KDM5B: variants seen among roughly 807,000 people sequenced by gnomAD.
The protein encoded by KDM5B is lysine demethylase 5B.
In KDM5B, 144 loss-of-function variants were observed where a neutral mutation model predicts 193.4. That is an observed-to-expected ratio of 0.74 (90% CI 0.65 to 0.86). KDM5B has a LOEUF of 0.86. KDM5B is among the 40% of genes least tolerant of loss of function. The pLI, the probability that KDM5B is intolerant of heterozygous loss-of-function variation, is 0.00. For synonymous variants in KDM5B, 668 were observed against 682.6 expected, an observed-to-expected ratio of 0.98 and a Z score of 0.33; for missense variants, 1,833 against 1,886.9, an observed-to-expected ratio of 0.97 and a Z score of 0.53.
At chr1:202,742,827 A>G (rs747857434) in intron 16 of KDM5B, 22 bp from the exon 17 acceptor site, 4 of 1,603,934 alleles carry the variant, frequency 2.5e-6, no homozygotes, top group East Asian at 2.2e-5. Context: ...GAAAAAAGTC[A>G]TATTTTCTGT....
At chr1:202,739,684 G>A (rs1655231628) in intron 20 of KDM5B, among the ~76,000 whole-genome samples, 1 of 152,092 alleles carries the variant, frequency 6.6e-6, no homozygotes, top group South Asian at 2.1e-4. Flanking sequence ...TTCTTAATGA[G>A]CATGCTGCCT....
intron 1 of KDM5B, among the ~76,000 whole-genome samples, chr1:202,781,193 G>A (rs929818882): frequency 1.3e-5 from 2 of 152,156 alleles, no homozygotes; most frequent in Admixed American, 6.5e-5. Flanking sequence ...TACCTACTCA[G>A]GAGGCTAAGG....
Position 202,750,644 on chromosome 1 carries a change from A to G in KDM5B, c.1821+15T>C, listed in dbSNP as rs1558491365. On this transcript the variant is annotated intron_variant, in intron 13 of 26. Transcript: ENST00000367265. ...CAATAAATTTGAAAAGGTTAACTAC[A>G]TTGTAATTACATACCCAATCAACAG... 6.2e-7 allele frequency: 1 copy of G among 1,611,850 alleles called. No individual in the cohort carries two copies. The highest frequency in any genetic ancestry group is 8.5e-7 in the Non-Finnish European group (1 of 1,178,912).
At chr1:202,731,601 ACCCTTTCAT>A (rs922376520) in intron 24 of KDM5B, among the ~76,000 whole-genome samples, 1 of 152,106 alleles carries the variant, frequency 6.6e-6, no homozygotes, top group African/African-American at 2.4e-5. Flanking sequence ...TGTGGCATGA[ACCCTTTCAT>A]CCCTGAGGAC....
chr1:202,808,393 G>C lies in KDM5B; in HGVS notation c.-88C>G. ...TCGGTCCGAGACCCGTGCAGACGCG[G>C]CTCGAGCAACAGCAAGTCCGAGTTG... On this transcript the variant is annotated 5_prime_UTR_variant, in exon 1 of 27. Coordinates refer to ENST00000367265, the MANE Select transcript of KDM5B (RefSeq NM_006618.5). The C allele has an allele frequency of 1.6e-6, 2 of 1,265,242 alleles. No homozygotes were observed. Among genetic ancestry groups the C allele is most frequent in the African/African-American group, 1.5e-5 (1 of 66,638 alleles). 78.4% of individuals were successfully genotyped at this position (1,265,242 alleles called of 1,614,324 possible).
intron 1 of KDM5B, among the ~76,000 whole-genome samples, chr1:202,805,724 AAAAC>A (rs1487430362): frequency 1.3e-5 from 2 of 152,216 alleles, no homozygotes; most frequent in African/African-American, 4.8e-5. Flanking sequence ...TCCCAAAAAC[AAAAC>A]AGTTTCTAAA....
chr1:202,798,229 G>C (rs981785093), intron 1 of KDM5B, among the ~76,000 whole-genome samples: 1 of 151,478 alleles, frequency 6.6e-6, no homozygotes, highest in African/African-American at 2.4e-5. Flanking sequence ...GGACAGAAAA[G>C]CTTTGTCTAA....
intron 1 of KDM5B, among the ~76,000 whole-genome samples, chr1:202,804,767 T>C (rs976889254): frequency 1.3e-5 from 2 of 149,700 alleles, no homozygotes; most frequent in Non-Finnish European, 3.0e-5. Context: ...CCCAGCACTT[T>C]GGGAGGCCGA....
intron 1 of KDM5B, among the ~76,000 whole-genome samples, chr1:202,790,419 A>G (rs1381418713): frequency 2.0e-5 from 3 of 151,884 alleles, no homozygotes; most frequent in East Asian, 3.9e-4. Flanking sequence ...TCTACAAAAC[A>G]TATTTAACAC....
chr1:202,760,559 G>T lies in KDM5B; in HGVS notation c.933C>A (p.Val311=), dbSNP rs759859642. ...KKATNAVDLY[V]CLLCGSGNDE... ...CATTGCCACTGCCACATAAAAGACA[G>T]ACATACAGGTCCACCTGTAGCAATA... Residue 311 remains valine, a synonymous_variant, in exon 8 of 27, where the codon GTC becomes GTA. Transcript: ENST00000367265. 2 of 1,611,096 alleles carry T rather than the reference G, an allele frequency of 1.2e-6. No individual in the cohort carries two copies. The highest frequency in any genetic ancestry group is 1.7e-5 in the Admixed American group (1 of 59,598).
At chr1:202,785,909 T>TA (rs535467100) in intron 1 of KDM5B, among the ~76,000 whole-genome samples, 15,012 of 134,026 alleles carry the variant, frequency 0.11, 1,024 homozygotes, top group African/African-American at 0.21. Context: ...GACTCCCAAT[T>TA]AAAAAAAAAA....
rs796645573 is a variant in KDM5B, at chr1:202,763,743, A to T, written c.808+306T>A. Among the ~76,000 whole-genome samples the T allele has an allele frequency of 4.6e-5, 7 of 152,352 alleles. 1 individual carries two copies. The highest frequency in any genetic ancestry group is 1.2e-4 in the African/African-American group (5 of 41,588). The stretch of plus-strand genomic sequence containing the variant: ...ACCTATGTTTTTCACAAATTACTTA[A>T]GTAACTGCATTGAATCAAATTTCAA... On this transcript the variant is annotated intron_variant, in intron 6 of 26. Transcript: ENST00000367265.
Position 202,808,370 on chromosome 1 carries a change from G to C in KDM5B, c.-65C>G. On this transcript the variant is annotated 5_prime_UTR_variant, in exon 1 of 27. Coordinates refer to ENST00000367265, the MANE Select transcript of KDM5B (RefSeq NM_006618.5). The stretch of plus-strand genomic sequence containing the variant: ...GGGACCGAGGCTGCGAGCTCCGCTC[G>C]GTCCGAGACCCGTGCAGACGCGGCT... 2 of 1,427,804 alleles carry C rather than the reference G, an allele frequency of 1.4e-6. No homozygotes were observed. The highest frequency in any genetic ancestry group is 1.4e-5 in the African/African-American group (1 of 70,570). 88.4% of individuals were successfully genotyped at this position (1,427,804 alleles called of 1,614,324 possible).
At chr1:202,759,568 A>T (rs78831155) in intron 8 of KDM5B, among the ~76,000 whole-genome samples, 2 of 148,956 alleles carry the variant, frequency 1.3e-5, no homozygotes, top group Non-Finnish European at 3.0e-5. Flanking sequence ...AAAAAAAAAA[A>T]ATCCTCATGA....
Position 202,733,641 on chromosome 1 carries a change from C to A in KDM5B, c.3669G>T (p.Arg1223Ser). ...TTTTCTCTAATGGAGGTTTCTCTGA[C>A]CTCCGACAATGGGGACAAAGCCAGA... is the stretch of plus-strand genomic sequence containing the variant. ...LRIWLCPHCR[R>S]SEKPPLEKIL... is the part of the protein sequence containing the mutation. Residue 1223 changes from arginine (R) to serine (S), a missense_variant, in exon 23 of 27, where the codon AGG (arginine) becomes AGT (serine). By Grantham distance (110) the Arg-to-Ser change is moderately radical. This residue lies in a region of KDM5B where 1,379 missense variants were observed against 1,349.6 expected (regional missense o/e 1.02). Coordinates refer to ENST00000367265, the MANE Select transcript of KDM5B (RefSeq NM_006618.5). 1 of 1,614,144 alleles carries A rather than the reference C, an allele frequency of 6.2e-7. No individual in the cohort carries two copies. Among genetic ancestry groups the A allele is most frequent in the Non-Finnish European group, 8.5e-7 (1 of 1,180,016 alleles).
chr1:202,789,877 AT>A (rs1014351977), intron 1 of KDM5B, among the ~76,000 whole-genome samples: 1 of 152,076 alleles, frequency 6.6e-6, no homozygotes, highest in African/African-American at 2.4e-5. Context: ...GCAGTGAGCT[AT>A]GGTGGCGCTG....
At chr1:202,793,839 G>A (rs1451942190) in intron 1 of KDM5B, among the ~76,000 whole-genome samples, 2 of 152,088 alleles carry the variant, frequency 1.3e-5, no homozygotes, top group African/African-American at 2.4e-5. Flanking sequence ...AAAGCCACAA[G>A]GTTACCAGAG....
chr1:202,786,416 T>A (rs202029805), intron 1 of KDM5B, among the ~76,000 whole-genome samples: 1 of 135,200 alleles, frequency 7.4e-6, no homozygotes, highest in East Asian at 3.4e-4. Flanking sequence ...GACAACACAC[T>A]GAGAGTAGAT....
In KDM5B at chr1:202,727,242, G is replaced by GGGGGTGAT. The variant is rs1282888097; in HGVS notation, c.*1786_*1793dup. On this transcript the variant is annotated 3_prime_UTR_variant, in exon 27 of 27. Transcript: ENST00000367265. Reference sequence around the variant, plus strand: ...ACAGTTGGCATCCTATCTCAAAGTCGGGGGTGATGGAGGGGATTCTAAGAA... The same window carrying GGGGGTGAT: ...ACAGTTGGCATCCTATCTCAAAGTCGGGGGTGATGGGGTGATGGAGGGGATTCTAAGAA... 27 of 152,166 alleles carry GGGGGTGAT rather than the reference G, an allele frequency of 1.8e-4. No individual in the cohort carries two copies. Among genetic ancestry groups the GGGGGTGAT allele is most frequent in the African/African-American group, 5.8e-4 (24 of 41,436 alleles). 9.4% of individuals were successfully genotyped at this position (152,166 alleles called of 1,614,324 possible). A position where few individuals can be genotyped will look rare whatever the true frequency, so the allele number is the denominator to read the frequency against.
Sources: allele counts gnomAD v4.1 joint callset (sites outside exome capture counted in the v4.1 genomes callset), GRCh38; gene constraint gnomAD v4.1.1; regional missense constraint gnomAD v4.1.1; transcripts MANE v1.5; gene names NCBI Gene and HGNC (gene_info 2026-07-23, HGNC 2026-07-21).